TBXA2R: variants seen among roughly 807,000 people sequenced by gnomAD.
TBXA2R encodes thromboxane A2 receptor.
In TBXA2R, 15 loss-of-function variants were observed where a neutral mutation model predicts 15.6. The observed-to-expected ratio is 0.96, with a 90% confidence interval of 0.64 to 1.48. TBXA2R has a LOEUF of 1.48. Ranked by LOEUF, TBXA2R falls within the 40% of genes most tolerant of loss-of-function variation. The pLI is 0.00. For missense variants in TBXA2R, 506 were observed against 491.4 expected, an observed-to-expected ratio of 1.03 and a Z score of -0.28; for synonymous variants, 280 against 241.2, an observed-to-expected ratio of 1.16 and a Z score of -1.49.
intron 2 of TBXA2R, 120 bp from the exon 3 acceptor site, chr19:3,596,053 G>C: frequency 1.6e-6 from 2 of 1,281,732 alleles, no homozygotes; most frequent in Non-Finnish European, 2.2e-6. Flanking sequence ...TTTTGAGACA[G>C]GGTCTCACTC....
In TBXA2R at chr19:3,600,489, A is replaced by G; in HGVS notation, c.146T>C (p.Leu49Pro). 1.2e-6 allele frequency: 2 copies of G among 1,612,918 alleles called. No homozygotes were observed. The highest frequency in any genetic ancestry group is 2.2e-5 in the South Asian group (2 of 91,040). ...CGAACCCCCCTGCCGCGCGCCCGCCAGCACGCTCAGGGCCAGCAGGTTGGA... is the reference window on the plus strand; with the variant it reads ...CGAACCCCCCTGCCGCGCGCCCGCCGGCACGCTCAGGGCCAGCAGGTTGGA... ...LASNLLALSV[L>P]AGARQGGSHT... Residue 49 changes from leucine to proline, a missense_variant, in exon 2 of 3, where the codon CTG becomes CCG. Transcript: ENST00000375190.
chr19:3,604,666 C>T (rs867511452), intron 1 of TBXA2R, among the ~76,000 whole-genome samples: 29 of 152,306 alleles, frequency 1.9e-4, no homozygotes, highest in Admixed American at 1.4e-3. Context: ...TCCACCTTGC[C>T]GAGCCTCAGT....
chr19:3,596,994 A>C (rs6510762), intron 2 of TBXA2R, among the ~76,000 whole-genome samples: 126,352 of 149,656 alleles, frequency 0.84, 53,832 homozygotes, highest in African/African-American at 0.96. Context: ...GGCTGGAGTG[A>C]AATGGCAGGT....
intron 1 of TBXA2R, among the ~76,000 whole-genome samples, chr19:3,604,132 G>T (rs1228821238): frequency 6.6e-6 from 1 of 151,290 alleles, no homozygotes; most frequent in Admixed American, 6.6e-5. Context: ...CACAATTCTA[G>T]AATCCCAAGA....
chr19:3,603,411 C>T (rs1278046477), intron 1 of TBXA2R, among the ~76,000 whole-genome samples: 4 of 152,262 alleles, frequency 2.6e-5, no homozygotes, highest in Middle Eastern at 6.8e-3. Flanking sequence ...GGGGGTTCCT[C>T]GCGGCCTCTG....
At chr19:3,603,049 A>C (rs1428175385) in intron 1 of TBXA2R, among the ~76,000 whole-genome samples, 1 of 151,604 alleles carries the variant, frequency 6.6e-6, no homozygotes, top group Admixed American at 6.6e-5. Flanking sequence ...AAAAAAAAAA[A>C]AGTCGGGGTT....
chr19:3,602,760 CAA>C (rs56274535), intron 1 of TBXA2R, among the ~76,000 whole-genome samples: 102 of 105,948 alleles, frequency 9.6e-4, no homozygotes, highest in Non-Finnish European at 7.6e-4. Context: ...AACTCCGTCT[CAA>C]AAAAAAAAAA....
At chr19:3,603,203 G>A (rs976764818) in intron 1 of TBXA2R, among the ~76,000 whole-genome samples, 1 of 152,230 alleles carries the variant, frequency 6.6e-6, no homozygotes, top group Non-Finnish European at 1.5e-5. Context: ...GGTGACTGTG[G>A]CCCTCACTCC....
chr19:3,595,045 A>G lies in TBXA2R; in HGVS notation c.*643T>C. On this transcript the variant is annotated 3_prime_UTR_variant, in exon 3 of 3. Transcript: ENST00000375190. The stretch of plus-strand genomic sequence containing the variant: ...CAGTGAGCCGAGATCGTGCCACTGT[A>G]CTCCAGGCTGGGCCACAGAGTGAGA... The G allele has an allele frequency of 9.9e-7, 1 of 1,013,544 alleles. No individual in the cohort carries two copies. The highest frequency in any genetic ancestry group is 1.4e-6 in the Non-Finnish European group (1 of 689,858). The allele number at this position is 1,013,544 out of a possible 1,614,324, so 62.8% of individuals were successfully genotyped here. A position where few individuals can be genotyped will look rare whatever the true frequency, so the allele number is the denominator to read the frequency against.
intron 2 of TBXA2R, among the ~76,000 whole-genome samples, chr19:3,598,292 C>G (rs1456035936): frequency 3.3e-5 from 5 of 151,858 alleles, no homozygotes; most frequent in Non-Finnish European, 7.4e-5. Flanking sequence ...CCAAATCTGG[C>G]CTGCCACTTG....
In TBXA2R at chr19:3,595,424, C is replaced by A. The variant is rs2032578826; in HGVS notation, c.*264G>T. On this transcript the variant is annotated 3_prime_UTR_variant, in exon 3 of 3. Transcript: ENST00000375190. ...AGACCCTCTTCCAATGTCTGCATGC[C>A]CTTCCTGGGGTTGGGAGGGACGCAG... The A allele has an allele frequency of 2.8e-6, 4 of 1,404,526 alleles. No homozygotes were observed. The highest frequency in any genetic ancestry group is 5.1e-5 in the East Asian group (2 of 39,320). The allele number at this position is 1,404,526 out of a possible 1,614,324, so 87.0% of individuals were successfully genotyped here. A position where few individuals can be genotyped will look rare whatever the true frequency, so the allele number is the denominator to read the frequency against.
In TBXA2R at chr19:3,600,825, G is replaced by GTTTTTTTTTTTTTTTTTTTTTT; in HGVS notation, c.-83-109_-83-108insAAAAAAAAAAAAAAAAAAAAAA. The stretch of plus-strand genomic sequence containing the variant: ...ATGCCCCAGCTCAAATATCCTCTCC[G>GTTTTTTTTTTTTTTTTTTTTTT]GTTTTTTTTTTTTTTTTTTTTGAGA... On this transcript the variant is annotated intron_variant, in intron 1 of 2. Coordinates refer to ENST00000375190, the MANE Select transcript of TBXA2R (RefSeq NM_001060.6). 4.6e-6 allele frequency: 2 copies of GTTTTTTTTTTTTTTTTTTTTTT among 437,644 alleles called. 1 individual carries two copies. The highest frequency in any genetic ancestry group is 8.0e-6 in the Non-Finnish European group (2 of 249,898). The allele number at this position is 437,644 out of a possible 1,614,324, so 27.1% of individuals were successfully genotyped here.
chr19:3,600,666 C>A lies in TBXA2R; in HGVS notation c.-32G>T, dbSNP rs1212618829. The A allele has an allele frequency of 5.0e-6, 8 of 1,606,914 alleles. No individual in the cohort carries two copies. The highest frequency in any genetic ancestry group is 6.8e-6 in the Non-Finnish European group (8 of 1,177,002). On this transcript the variant is annotated 5_prime_UTR_variant, in exon 2 of 3. Transcript: ENST00000375190. ...GGAGCCCTGAGGGATCAGTCACCAC[C>A]CCATCAGGCCGATGCTGCAGACAGG...
chr19:3,601,254 C>T (rs564557013), intron 1 of TBXA2R, among the ~76,000 whole-genome samples: 2 of 152,034 alleles, frequency 1.3e-5, no homozygotes, highest in Non-Finnish European at 1.5e-5. Context: ...CCAAGCCAGG[C>T]GCAGTGGCTC....
chr19:3,600,751 T>C, intron 1 of TBXA2R, 34 bp from the exon 2 acceptor site: 2 of 1,215,702 alleles, frequency 1.6e-6, no homozygotes, highest in Non-Finnish European at 1.2e-6. Context: ...TTGTGATTAA[T>C]TCTGCATTTC....
Position 3,595,603 on chromosome 19 carries a change from CCT to C in TBXA2R, c.*83_*84del. 2.0e-6 allele frequency: 3 copies of C among 1,477,352 alleles called. No individual in the cohort carries two copies. Among genetic ancestry groups the C allele is most frequent in the Non-Finnish European group, 2.7e-6 (3 of 1,110,494 alleles). The allele number at this position is 1,477,352 out of a possible 1,614,324, so 91.5% of individuals were successfully genotyped here. Reference sequence around the variant, plus strand: ...CACTGTCCATCCAGCACCCCCAGCCCCTGAATCCTCAGAACAGGCAGATGGGC... The same window carrying C: ...CACTGTCCATCCAGCACCCCCAGCCCGAATCCTCAGAACAGGCAGATGGGC... On this transcript the variant is annotated 3_prime_UTR_variant, in exon 3 of 3. Transcript: ENST00000375190.
chr19:3,595,385 A>T lies in TBXA2R; in HGVS notation c.*303T>A. 7.3e-7 allele frequency: 1 copy of T among 1,374,644 alleles called. No individual in the cohort carries two copies. The allele number at this position is 1,374,644 out of a possible 1,614,324, so 85.2% of individuals were successfully genotyped here. On this transcript the variant is annotated 3_prime_UTR_variant, in exon 3 of 3. Transcript: ENST00000375190. ...CAGAGCAAGACTCCGTCTAAAAAAA[A>T]AAATAGCAATGCAAGACCCTCTTCC... is the stretch of plus-strand genomic sequence containing the variant.
intron 2 of TBXA2R, among the ~76,000 whole-genome samples, chr19:3,596,702 C>T (rs1196702813): frequency 1.3e-5 from 2 of 151,034 alleles, no homozygotes; most frequent in East Asian, 3.9e-4. Flanking sequence ...CTGCCTCAGC[C>T]TCCCGAGTAG....
chr19:3,599,523 T>C (rs1016450195), intron 2 of TBXA2R, among the ~76,000 whole-genome samples: 2 of 151,554 alleles, frequency 1.3e-5, no homozygotes, highest in Non-Finnish European at 2.9e-5. Context: ...GTAGAGACAG[T>C]GTTTCACCGT....
Sources: gnomAD v4.1 joint callset for allele counts (sites outside exome capture counted in the v4.1 genomes callset) on GRCh38, gnomAD v4.1.1 for gene constraint, MANE v1.5 for transcripts, NCBI Gene and HGNC (gene_info 2026-07-23, HGNC 2026-07-21) for gene names.